RABGAP1: variants seen among roughly 807,000 people sequenced by gnomAD.
RABGAP1 encodes rab GTPase-activating protein 1.
Under a neutral mutation model 137.6 loss-of-function variants are expected in RABGAP1, and 23 were observed. The observed-to-expected ratio is 0.17, with a 90% CI of 0.12 to 0.24. RABGAP1 has a LOEUF of 0.24. Ranked by LOEUF, RABGAP1 falls within the 10% of genes least tolerant of loss-of-function variation. The pLI, the probability that RABGAP1 is intolerant of heterozygous loss-of-function variation, is 1.00. For missense variants in RABGAP1, 906 were observed against 1,275.8 expected, an observed-to-expected ratio of 0.71 and a Z score of 4.42; for synonymous variants, 451 against 450.7, an observed-to-expected ratio of 1.00 and a Z score of -0.01.
chr9:123,025,252 G>A (rs1359564252), intron 13 of RABGAP1, among the ~76,000 whole-genome samples: 1 of 152,032 alleles, frequency 6.6e-6, no homozygotes, highest in Non-Finnish European at 1.5e-5. Flanking sequence ...TGTATTATTT[G>A]TTTGCATATT....
intron 12 of RABGAP1, among the ~76,000 whole-genome samples, chr9:123,019,545 G>C (rs1349968108): frequency 6.6e-6 from 1 of 152,046 alleles, no homozygotes; most frequent in Non-Finnish European, 1.5e-5. Flanking sequence ...GAACTCCTGG[G>C]TTCAAGAAAT....
At chr9:123,082,926 T>G (rs2034756760) in intron 19 of RABGAP1, among the ~76,000 whole-genome samples, 2 of 152,334 alleles carry the variant, frequency 1.3e-5, no homozygotes, top group African/African-American at 4.8e-5. Context: ...TTCAAATTGT[T>G]TGTGTAGTTA....
At chr9:123,080,942 C>G in intron 19 of RABGAP1, among the ~76,000 whole-genome samples, 1 of 152,148 alleles carries the variant, frequency 6.6e-6, no homozygotes, top group East Asian at 1.9e-4. Flanking sequence ...GTTATACCAA[C>G]TATGCCTCCT....
At chr9:122,940,043 T>A (rs557924762), upstream of RABGAP1, 18 of 152,356 alleles carry the variant, frequency 1.2e-4, no homozygotes, top group Admixed American at 3.9e-4. Context: ...CATGCCTATG[T>A]ACAGTCCCAG....
At chr9:122,961,478 A>G (rs1263301227) in intron 2 of RABGAP1, among the ~76,000 whole-genome samples, 1 of 152,204 alleles carries the variant, frequency 6.6e-6, no homozygotes, top group Non-Finnish European at 1.5e-5. Flanking sequence ...CTGAGGTAAA[A>G]ACTCAGAGAA....
At chr9:122,950,361 CTTTTTCTTTTTCTTTCTTTTTTTTTTTTT>C (rs1834162895) in intron 1 of RABGAP1, among the ~76,000 whole-genome samples, 1 of 72,058 alleles carries the variant, frequency 1.4e-5, no homozygotes, top group African/African-American at 5.2e-5. Flanking sequence ...TCTTTTTTTT[CTTTTTCTTTTTCTTTCTTTTTTTTTTTTT>C]TTTTTTTTTG....
At position 122,998,638 on chromosome 9, in the gene RABGAP1, A is replaced by C; in HGVS notation, c.1246A>C (p.Thr416Pro). The change falls in exon 10 of 26, where the codon ACA (threonine) becomes CCA (proline). Residue 416 changes from threonine (T) to proline (P), a missense_variant. This residue lies in a region of RABGAP1 where 212 missense variants were observed against 289.4 expected (regional missense o/e 0.73). Coordinates refer to ENST00000373647, the MANE Select transcript of RABGAP1 (RefSeq NM_012197.4). ...FMTTAVDLVI[T>P]EVQEPVRFLL... is the part of the protein sequence containing the mutation. Reference sequence around the variant, plus strand: ...GACCACAGCTGTAGATTTGGTAATAACAGAAGTACAGGAGCCTGTTCGATT... The same window carrying C: ...GACCACAGCTGTAGATTTGGTAATACCAGAAGTACAGGAGCCTGTTCGATT... 6.2e-7 allele frequency: 1 copy of C among 1,610,656 alleles called. No individual in the cohort carries two copies. Among genetic ancestry groups the C allele is most frequent in the Non-Finnish European group, 8.5e-7 (1 of 1,177,408 alleles).
At chr9:122,995,835 C>T (rs1383989823) in intron 6 of RABGAP1, among the ~76,000 whole-genome samples, 1 of 152,136 alleles carries the variant, frequency 6.6e-6, no homozygotes, top group Non-Finnish European at 1.5e-5. Flanking sequence ...TCCCAAAGTT[C>T]TGGGATTACA....
intron 13 of RABGAP1, chr9:123,029,741 C>T (rs1253105648): frequency 1.6e-6 from 1 of 627,374 alleles, no homozygotes; most frequent in African/African-American, 1.8e-5. Context: ...TTCTTGTAGT[C>T]CTTGGGTGGC....
At chr9:123,061,680 TCAAAC>T (rs2033977642) in intron 13 of RABGAP1, among the ~76,000 whole-genome samples, 2 of 152,022 alleles carry the variant, frequency 1.3e-5, no homozygotes, top group Non-Finnish European at 2.9e-5. Context: ...AACCAGTTGA[TCAAAC>T]AAAACAAAAC....
intron 6 of RABGAP1, among the ~76,000 whole-genome samples, chr9:122,994,830 T>C (rs1385621262): frequency 6.6e-6 from 1 of 152,186 alleles, no homozygotes; most frequent in African/African-American, 2.4e-5. Context: ...TAAACTGTCA[T>C]TTTAAGAACT....
chr9:122,947,941 T>TTAA (rs1312156504), intron 1 of RABGAP1, among the ~76,000 whole-genome samples: 6 of 152,208 alleles, frequency 3.9e-5, no homozygotes, highest in African/African-American at 1.4e-4. Context: ...AGGGATGGTG[T>TTAA]TCCATTGAGT....
chr9:123,041,612 A>G (rs1214661924), intron 13 of RABGAP1, among the ~76,000 whole-genome samples: 1 of 152,214 alleles, frequency 6.6e-6, no homozygotes, highest in Non-Finnish European at 1.5e-5. Context: ...TATAATATGG[A>G]TAAAAAGAAG....
At chr9:123,047,865 A>G (rs1296000082) in intron 13 of RABGAP1, among the ~76,000 whole-genome samples, 3 of 146,942 alleles carry the variant, frequency 2.0e-5, no homozygotes, top group Non-Finnish European at 4.5e-5. Context: ...TTTTCATTTA[A>G]TATTTGTTAA....
intron 24 of RABGAP1, 107 bp downstream of exon 24, chr9:123,099,656 A>C (rs2035284418): frequency 1.1e-6 from 1 of 912,880 alleles, no homozygotes; most frequent in Non-Finnish European, 1.7e-6. Context: ...AGAGAATCTA[A>C]GCAATAAGGC....
At chr9:123,010,318 T>C (rs754002898) in intron 10 of RABGAP1, 36 bp from the exon 11 acceptor site, 49 of 1,542,260 alleles carry the variant, frequency 3.2e-5, no homozygotes, top group Non-Finnish European at 3.3e-5. Flanking sequence ...ATAAAGAACT[T>C]TACTGCTTAA....
chr9:123,002,880 C>G lies in RABGAP1; in HGVS notation c.1374+4114C>G, dbSNP rs79755830. The stretch of plus-strand genomic sequence containing the variant: ...TTAAGGCTACAAACTAAACTTAAGC[C>G]GAGTTTTCACTGTTTTCTTTGCAAA... On this transcript the variant is annotated intron_variant, in intron 10 of 25. Coordinates refer to ENST00000373647, the MANE Select transcript of RABGAP1 (RefSeq NM_012197.4). 4.9e-3 allele frequency among the ~76,000 whole-genome samples: 744 copies of G among 152,144 alleles called. 8 individuals carry two copies. Among genetic ancestry groups the G allele is most frequent in the South Asian group, 0.027 (131 of 4,820 alleles).
In RABGAP1 at chr9:122,986,275, A is replaced by T; in HGVS notation, c.446A>T (p.Lys149Ile). 6.2e-7 allele frequency: 1 copy of T among 1,614,188 alleles called. No homozygotes were observed. Among genetic ancestry groups the T allele is most frequent in the Non-Finnish European group, 8.5e-7 (1 of 1,180,024 alleles). The change falls in exon 4 of 26, where the codon AAA (lysine) becomes ATA (isoleucine). Residue 149 changes from lysine (K) to isoleucine (I), a missense_variant. This residue lies in a region of RABGAP1 where 331 missense variants were observed against 358.3 expected (regional missense o/e 0.92). Coordinates refer to ENST00000373647, the MANE Select transcript of RABGAP1 (RefSeq NM_012197.4). ...GATGAGGACAGCGTAGTTTTCAGTA[A>T]ACTGACTTACTTAGGCTGTGCCTCG... ...VADEDSVVFSKLTYLGCASVN... is the reference protein window; with the variant it reads ...VADEDSVVFSILTYLGCASVN...
intron 21 of RABGAP1, among the ~76,000 whole-genome samples, chr9:123,096,960 G>A (rs1396974823): frequency 2.0e-5 from 3 of 152,196 alleles, no homozygotes; most frequent in Non-Finnish European, 4.4e-5. Flanking sequence ...AAAACTCAGT[G>A]GCCCAGTTAC....
Sources: allele counts gnomAD v4.1 joint callset (sites outside exome capture counted in the v4.1 genomes callset), GRCh38; gene constraint gnomAD v4.1.1; regional missense constraint gnomAD v4.1.1; transcripts MANE v1.5; gene names NCBI Gene and HGNC (gene_info 2026-07-23, HGNC 2026-07-21).